PSMD13: variants seen among roughly 807,000 people sequenced by gnomAD.
PSMD13 encodes 26S proteasome non-ATPase regulatory subunit 13.
Under a neutral mutation model 57.4 loss-of-function variants are expected in PSMD13, and 8 were observed. The observed-to-expected ratio is 0.14, with a 90% CI of 0.08 to 0.25. PSMD13 has a LOEUF of 0.25. Among genes scored for constraint, PSMD13 ranks in the 10% least tolerant of loss-of-function variants. PSMD13 has a pLI of 1.00. For missense variants in PSMD13, 400 were observed against 461.5 expected, an observed-to-expected ratio of 0.87 and a Z score of 1.22; for synonymous variants, 193 against 168.2, an observed-to-expected ratio of 1.15 and a Z score of -1.14.
intron 10 of PSMD13, 123 bp downstream of exon 10, chr11:250,988 C>A: frequency 1.2e-6 from 1 of 844,394 alleles, no homozygotes; most frequent in Non-Finnish European, 2.0e-6. Flanking sequence ...CTGCTGTGCG[C>A]CGCTCTCTTC....
At chr11:237,335 G>A (rs1272108846) in intron 1 of PSMD13, among the ~76,000 whole-genome samples, 191 bp downstream of exon 1, 1 of 152,232 alleles carries the variant, frequency 6.6e-6, no homozygotes, top group Non-Finnish European at 1.5e-5. Context: ...CGAGGAATAA[G>A]AGGGATGACA....
rs1374251526 is a variant in PSMD13, at chr11:252,584, A to G, written c.1115A>G (p.His372Arg). The stretch of plus-strand genomic sequence containing the variant: ...GAGATGCTGGTGGAGCACCAGGCCC[A>G]TGACATCCTCACCTAGGGCCCCCTG... ...SMEMLVEHQAHDILT is the reference protein window; with the variant it reads ...SMEMLVEHQARDILT The change falls in exon 13 of 13, where the codon CAT (histidine) becomes CGT (arginine). Residue 372 changes from histidine to arginine, a missense_variant. His to Arg is a conservative substitution (Grantham distance 29). Coordinates refer to ENST00000532097, the MANE Select transcript of PSMD13 (RefSeq NM_002817.4). The surrounding 1 kb of genome is among the most constrained non-coding windows in gnomAD (Gnocchi z 4.1). The G allele has an allele frequency of 1.2e-6, 2 of 1,614,054 alleles. No individual in the cohort carries two copies. Among genetic ancestry groups the G allele is most frequent in the African/African-American group, 1.3e-5 (1 of 74,920 alleles).
At chr11:244,900 G>A in intron 6 of PSMD13, 139 bp downstream of exon 6, 1 of 523,298 alleles carries the variant, frequency 1.9e-6, no homozygotes. Flanking sequence ...ATAACACAAA[G>A]AACTACTATA....
chr11:242,505 T>G (rs956981383), intron 2 of PSMD13, among the ~76,000 whole-genome samples: 4 of 152,106 alleles, frequency 2.6e-5, no homozygotes, highest in African/African-American at 9.7e-5. Context: ...TTCAAGTAAC[T>G]TATTGTACAG....
chr11:246,262 G>C (rs550601316), intron 6 of PSMD13, among the ~76,000 whole-genome samples: 2 of 152,148 alleles, frequency 1.3e-5, no homozygotes, highest in Non-Finnish European at 2.9e-5. Flanking sequence ...CCAGCACTTT[G>C]GGAGGCTGAG....
rs1859682507 is a variant in PSMD13, at chr11:247,746, T to G, written c.568+298T>G. The G allele has an allele frequency of 1.8e-5, 4 of 221,776 alleles. No homozygotes were observed. In the South Asian group the frequency reaches 2.9e-4, roughly 16 times the overall value. The allele number at this position is 221,776 out of a possible 1,614,324, so 13.7% of individuals were successfully genotyped here. A position where few individuals can be genotyped will look rare whatever the true frequency, so the allele number is the denominator to read the frequency against. ...TACTCAGGAGTCTGAGGCAGGAGAA[T>G]CACTTGAACTCGGGAGGTGGAGGTT... On this transcript the variant is annotated intron_variant, in intron 7 of 12. Coordinates refer to ENST00000532097, the MANE Select transcript of PSMD13 (RefSeq NM_002817.4).
At chr11:245,703 T>TGC (rs1564822113) in intron 6 of PSMD13, among the ~76,000 whole-genome samples, 2,129 of 21,460 alleles carry the variant, frequency 0.099, 84 homozygotes, top group African/African-American at 0.23. Flanking sequence ...TTCGTGTGTT[T>TGC]GTGTGTGTTT....
intron 1 of PSMD13, 57 bp downstream of exon 1, chr11:237,201 A>G: frequency 6.6e-7 from 1 of 1,518,880 alleles, no homozygotes; most frequent in Non-Finnish European, 9.0e-7. Context: ...CGGAGGGGGC[A>G]GGCGGGCGGA....
intron 2 of PSMD13, among the ~76,000 whole-genome samples, chr11:240,235 A>G (rs1356491896): frequency 2.0e-5 from 3 of 147,896 alleles, no homozygotes; most frequent in Non-Finnish European, 4.5e-5. Context: ...TCAGCGTCCC[A>G]AGTAGCTGGG....
chr11:247,761 A>AG, intron 7 of PSMD13: 2 of 206,196 alleles, frequency 9.7e-6, no homozygotes, highest in Non-Finnish European at 2.0e-5. Context: ...TGAACTCGGG[A>AG]GGTGGAGGTT....
rs183245579 is a variant in PSMD13, at chr11:250,721, T to C, written c.775-82T>C. 3.9e-4 allele frequency: 517 copies of C among 1,322,220 alleles called. 1 individual carries two copies. In the African/African-American group the frequency reaches 4.4e-3, roughly 11 times the overall value. The allele number at this position is 1,322,220 out of a possible 1,614,324, so 81.9% of individuals were successfully genotyped here. ...CTGGTTTTTGTTGGGTCTACTGTTA[T>C]AGAACGAATTCCAGATCCCCAGTTA... On this transcript the variant is annotated intron_variant, in intron 9 of 12. Transcript: ENST00000532097.
At chr11:243,259 AT>A in intron 2 of PSMD13, 1 of 458,614 alleles carries the variant, frequency 2.2e-6, no homozygotes. Flanking sequence ...AGAGGCTGCC[AT>A]TTTCCTGTTT....
intron 2 of PSMD13, chr11:243,626 A>G: frequency 2.7e-6 from 1 of 371,362 alleles, no homozygotes; most frequent in Non-Finnish European, 5.2e-6. Flanking sequence ...TGGGGACCAC[A>G]CGGCAGCGCA....
At position 251,582 on chromosome 11, in the gene PSMD13, A is replaced by C; in HGVS notation, c.874A>C (p.Thr292Pro). The stretch of plus-strand genomic sequence containing the variant: ...ACGACCTGCCAATCACAGACAACTC[A>C]CTTTTGAAGAAATTGCCAAAAGTGC... ...FTRPANHRQLTFEEIAKSAKI... is the reference protein window; with the variant it reads ...FTRPANHRQLPFEEIAKSAKI... The change falls in exon 11 of 13, where the codon ACT (threonine) becomes CCT (proline). Residue 292 changes from threonine to proline, a missense_variant. Transcript: ENST00000532097. This position sits in a 1 kb window ranked among gnomAD's most constrained non-coding sequence, Gnocchi z 4.6. 6.2e-7 allele frequency: 1 copy of C among 1,614,128 alleles called. No homozygotes were observed. The highest frequency in any genetic ancestry group is 8.5e-7 in the Non-Finnish European group (1 of 1,179,958).
At position 252,833 on chromosome 11, in the gene PSMD13, A is replaced by T; in HGVS notation, c.*233A>T. 8.0e-6 allele frequency: 4 copies of T among 500,106 alleles called. No homozygotes were observed. The highest frequency in any genetic ancestry group is 1.5e-5 in the Non-Finnish European group (4 of 275,254). The allele number at this position is 500,106 out of a possible 1,614,324, so 31.0% of individuals were successfully genotyped here. A position where few individuals can be genotyped will look rare whatever the true frequency, so the allele number is the denominator to read the frequency against. On this transcript the variant is annotated 3_prime_UTR_variant, in exon 13 of 13. Coordinates refer to ENST00000532097, the MANE Select transcript of PSMD13 (RefSeq NM_002817.4). This position sits in a 1 kb window ranked among gnomAD's most constrained non-coding sequence, Gnocchi z 4.1. The stretch of plus-strand genomic sequence containing the variant: ...CAGAGGGTGGGGGTCTCAGGGTCTT[A>T]GGTGATACGGGAGAGAAAGAACGTG...
At chr11:239,137 A>C in intron 2 of PSMD13, 61 bp downstream of exon 2, 1 of 1,397,644 alleles carries the variant, frequency 7.2e-7, no homozygotes, top group East Asian at 2.3e-5. Context: ...TTTGAAAATA[A>C]GATAGGCTTT....
At chr11:239,478 G>A (rs1859469776) in intron 2 of PSMD13, among the ~76,000 whole-genome samples, 1 of 152,148 alleles carries the variant, frequency 6.6e-6, no homozygotes, top group African/African-American at 2.4e-5. Context: ...AGAGGGTGGA[G>A]TAAGGTATGA....
Position 252,592 on chromosome 11 carries a change from C to T in PSMD13, c.1123C>T (p.Leu375Phe). Residue 375 changes from leucine to phenylalanine, a missense_variant, in exon 13 of 13, where the codon CTC (leucine) becomes TTC (phenylalanine). Physicochemically the swap from Leu to Phe is conservative, Grantham distance 22 (BLOSUM62 0). Coordinates refer to ENST00000532097, the MANE Select transcript of PSMD13 (RefSeq NM_002817.4). The surrounding 1 kb of genome is among the most constrained non-coding windows in gnomAD (Gnocchi z 4.1). ...GGTGGAGCACCAGGCCCATGACATC[C>T]TCACCTAGGGCCCCCTGGTTCCCCG... ...MLVEHQAHDI[L>F]T is the part of the protein sequence containing the mutation. The T allele has an allele frequency of 6.2e-7, 1 of 1,614,148 alleles. No individual in the cohort carries two copies.
Position 247,534 on chromosome 11 carries a change from G to A in PSMD13, c.568+86G>A, listed in dbSNP as rs1256855973. The A allele has an allele frequency of 4.1e-6, 6 of 1,471,172 alleles. No homozygotes were observed. The East Asian group carries it at 1.4e-4, about 34-fold the overall frequency. The allele number at this position is 1,471,172 out of a possible 1,614,324, so 91.1% of individuals were successfully genotyped here. A position where few individuals can be genotyped will look rare whatever the true frequency, so the allele number is the denominator to read the frequency against. ...GAGTTGCTTGAGGTGACAGTTCTCA[G>A]AAATTACTAAGGTGGGGCTGGGCAC... On this transcript the variant is annotated intron_variant, in intron 7 of 12. Coordinates refer to ENST00000532097, the MANE Select transcript of PSMD13 (RefSeq NM_002817.4).
Sources: gnomAD v4.1 joint callset for allele counts (sites outside exome capture counted in the v4.1 genomes callset) on GRCh38, gnomAD v4.1.1 for gene constraint, Gnocchi (gnomAD v3.1) non-coding constraint, MANE v1.5 for transcripts, NCBI Gene and HGNC (gene_info 2026-07-23, HGNC 2026-07-21) for gene names.